Variants in NTM observed in about 807,000 individuals in gnomAD.
The protein encoded by NTM is IgLON family member 2.
Under a neutral mutation model 42.1 loss-of-function variants are expected in NTM, and 13 were observed. That is an observed-to-expected ratio of 0.31 (90% CI 0.20 to 0.49). The LOEUF is 0.49. Ranked by LOEUF, NTM falls within the 20% of genes least tolerant of loss-of-function variation. The pLI is 0.99. For synonymous variants in NTM, 187 were observed against 179.2 expected (o/e 1.04, Z -0.35); for missense variants, 373 against 452.8 (o/e 0.82, Z 1.60).
chr11:131,879,255 G>A (rs2049085859), intron 1 of NTM, among the ~76,000 whole-genome samples: 1 of 152,134 alleles, frequency 6.6e-6, no homozygotes, highest in African/African-American at 2.4e-5. Context: ...GCATCTGGGT[G>A]GAAACATCAC....
chr11:131,794,860 C>T (rs923541843), intron 1 of NTM: 67 of 985,230 alleles, frequency 6.8e-5, no homozygotes, highest in Middle Eastern at 1.0e-3. Context: ...CCATAGGTAA[C>T]GGCCTCCACA....
chr11:131,488,531 A>T lies in NTM; in HGVS notation c.82+117643A>T, dbSNP rs543284682. ...CTCTGCCTCATTTTATTGGTCAGAG[A>T]AACTTGCAGCCCAGCCCAGATTCAA... is the stretch of plus-strand genomic sequence containing the variant. On this transcript the variant is annotated intron_variant, in intron 1 of 8. Transcript: ENST00000683400. Among the ~76,000 whole-genome samples the T allele has an allele frequency of 8.5e-5, 13 of 152,346 alleles. No homozygotes were observed. The East Asian group carries it at 2.5e-3, about 29-fold the overall frequency.
chr11:132,060,206 A>G (rs1594219800), intron 2 of NTM, among the ~76,000 whole-genome samples: 2 of 151,880 alleles, frequency 1.3e-5, no homozygotes, highest in South Asian at 4.2e-4. Flanking sequence ...CAATACATCC[A>G]CCCCCTGGGC....
At chr11:131,491,373 T>C (rs2136296216) in intron 1 of NTM, among the ~76,000 whole-genome samples, 1 of 150,550 alleles carries the variant, frequency 6.6e-6, no homozygotes, top group African/African-American at 2.5e-5. Context: ...AGATATTTAA[T>C]AACAATATTA....
chr11:131,672,746 CA>C (rs1436409780), intron 1 of NTM, among the ~76,000 whole-genome samples: 1 of 151,964 alleles, frequency 6.6e-6, no homozygotes, highest in Non-Finnish European at 1.5e-5. Context: ...TTATGGAATT[CA>C]AATACCCATG....
chr11:132,118,434 C>T (rs1362492796), intron 2 of NTM, among the ~76,000 whole-genome samples: 1 of 152,148 alleles, frequency 6.6e-6, no homozygotes, highest in Non-Finnish European at 1.5e-5. Context: ...GTGCAGATGG[C>T]AGAGAATAAA....
intron 1 of NTM, among the ~76,000 whole-genome samples, chr11:131,391,028 T>C (rs923168214): frequency 6.6e-6 from 1 of 152,184 alleles, no homozygotes; most frequent in Non-Finnish European, 1.5e-5. Context: ...TCTGTCCTGA[T>C]CTTCCTAACC....
At chr11:132,330,124 A>T (rs1327503767) in intron 7 of NTM, 29 bp from the exon 8 acceptor site, 2 of 1,551,686 alleles carry the variant, frequency 1.3e-6, no homozygotes, top group Non-Finnish European at 1.7e-6. Context: ...TTTCGACCTT[A>T]ACAGTGGCTT....
chr11:132,021,043 A>G (rs1363865398), intron 2 of NTM, among the ~76,000 whole-genome samples: 2 of 151,870 alleles, frequency 1.3e-5, no homozygotes, highest in African/African-American at 2.4e-5. Flanking sequence ...TGGCACTCTG[A>G]GGCTTTGTTT....
chr11:131,651,174 A>G (rs1468826609), intron 1 of NTM, among the ~76,000 whole-genome samples: 4 of 152,200 alleles, frequency 2.6e-5, no homozygotes, highest in African/African-American at 9.6e-5. Flanking sequence ...TCAAATATGC[A>G]TTTGTTGAGG....
chr11:131,954,320 G>A (rs1295518717), intron 2 of NTM, among the ~76,000 whole-genome samples: 1 of 152,224 alleles, frequency 6.6e-6, no homozygotes, highest in Admixed American at 6.5e-5. Flanking sequence ...CAGACCTAGT[G>A]AGGCAGGAGG....
Position 132,037,818 on chromosome 11 carries a change from A to G in NTM, c.168-108464A>G, listed in dbSNP as rs371407843. ...TGGCACTAATTATAACATAGCTGCT[A>G]TGTAACTAATATGTGCAGGTAATAT... On this transcript the variant is annotated intron_variant, in intron 2 of 8. Coordinates refer to ENST00000683400, the MANE Select transcript of NTM (RefSeq NM_001352005.2). 9.2e-5 allele frequency among the ~76,000 whole-genome samples: 14 copies of G among 152,350 alleles called. No homozygotes were observed. In the South Asian group the frequency reaches 1.7e-3, roughly 18 times the overall value.
intron 2 of NTM, among the ~76,000 whole-genome samples, chr11:132,121,425 A>G (rs896167538): frequency 3.9e-5 from 6 of 152,204 alleles, no homozygotes; most frequent in African/African-American, 1.4e-4. Flanking sequence ...CCTGGGGTCA[A>G]CAGAGGCGTG....
At chr11:131,741,657 C>T (rs1272719514) in intron 1 of NTM, among the ~76,000 whole-genome samples, 1 of 152,028 alleles carries the variant, frequency 6.6e-6, no homozygotes, top group Non-Finnish European at 1.5e-5. Context: ...TAAGGAAATT[C>T]AAAGAGAAAG....
chr11:131,982,829 A>T (rs79596348), intron 2 of NTM, among the ~76,000 whole-genome samples: 4,280 of 152,268 alleles, frequency 0.028, 187 homozygotes, highest in African/African-American at 0.097. Flanking sequence ...AAAAAAAGCC[A>T]ATTTAATCAA....
chr11:131,905,861 T>C (rs945255907), intron 1 of NTM, among the ~76,000 whole-genome samples: 1 of 152,042 alleles, frequency 6.6e-6, no homozygotes, highest in African/African-American at 2.4e-5. Flanking sequence ...CCCCTTCCAG[T>C]GAAGCTAGAG....
At chr11:132,020,281 A>G (rs555831381) in intron 2 of NTM, among the ~76,000 whole-genome samples, 2 of 152,268 alleles carry the variant, frequency 1.3e-5, no homozygotes, top group South Asian at 4.1e-4. Context: ...CATTGTGAAT[A>G]ACACTAATAT....
intron 1 of NTM, among the ~76,000 whole-genome samples, chr11:131,417,278 G>C (rs1947054329): frequency 6.6e-6 from 1 of 152,066 alleles, no homozygotes; most frequent in South Asian, 2.1e-4. Context: ...CCCAAACTGT[G>C]GGCTCAGGGC....
chr11:131,909,749 C>G (rs1303957293), intron 1 of NTM: 1 of 152,240 alleles, frequency 6.6e-6, no homozygotes, highest in Non-Finnish European at 1.5e-5. Context: ...CACAGGAGGA[C>G]CAGCAGCAGC....
Sources: allele counts gnomAD v4.1 joint callset (sites outside exome capture counted in the v4.1 genomes callset), GRCh38; gene constraint gnomAD v4.1.1; transcripts MANE v1.5; gene names NCBI Gene and HGNC (gene_info 2026-07-23, HGNC 2026-07-21).